RBFOX1: variants seen among roughly 807,000 people sequenced by gnomAD.
RBFOX1 encodes the protein RNA binding fox-1 homolog 1, also known as RNA binding protein fox-1 homolog 1.
RBFOX1 carries 8 observed loss-of-function variants against 57.7 expected under a neutral mutation model. That is an observed-to-expected ratio of 0.14 (90% confidence interval 0.08 to 0.25). The LOEUF (loss-of-function observed/expected upper bound fraction) is 0.25. RBFOX1 is among the 10% of genes least tolerant of loss of function. RBFOX1 has a pLI of 1.00. For synonymous variants in RBFOX1, 326 were observed against 222.4 expected (o/e 1.47, Z -4.15); for missense variants, 611 against 548.5 (o/e 1.11, Z -1.14).
intron 4 of RBFOX1, among the ~76,000 whole-genome samples, chr16:7,452,549 C>T (rs1384335639): frequency 8.5e-5 from 13 of 152,080 alleles, no homozygotes; most frequent in Admixed American, 5.9e-4. Flanking sequence ...GCCTCAGATC[C>T]GGGGTCTTAC....
Position 6,479,920 on chromosome 16 carries a change from G to C in RBFOX1, c.-64+162863G>C, listed in dbSNP as rs543025486. Among the ~76,000 whole-genome samples the C allele has an allele frequency of 1.9e-4, 29 of 151,368 alleles. No homozygotes were observed. In the South Asian group the frequency reaches 6.1e-3, roughly 32 times the overall value. On this transcript the variant is annotated intron_variant, in intron 2 of 15. Transcript: ENST00000550418. ...CAAAAAATTAGTTGGGCATGGTGGC[G>C]GGTACCTATGATCTCAGCTACTCGG...
chr16:6,486,461 G>T (rs1324339037), intron 2 of RBFOX1, among the ~76,000 whole-genome samples: 1 of 152,070 alleles, frequency 6.6e-6, no homozygotes, highest in African/African-American at 2.4e-5. Flanking sequence ...ACTTAGTTGT[G>T]TTTAGCTTTT....
intron 11 of RBFOX1, among the ~76,000 whole-genome samples, chr16:7,648,843 C>G (rs151205819): frequency 6.6e-6 from 1 of 152,290 alleles, no homozygotes; most frequent in African/African-American, 2.4e-5. Flanking sequence ...AGGGCTCTGA[C>G]AATTCCAAGT....
chr16:7,164,536 A>G (rs2079035920), intron 4 of RBFOX1, among the ~76,000 whole-genome samples: 1 of 152,196 alleles, frequency 6.6e-6, no homozygotes, highest in Admixed American at 6.5e-5. Context: ...TCCAAACCAG[A>G]AAAGAGTAAA....
chr16:6,197,878 T>C (rs1166658273), intron 1 of RBFOX1, among the ~76,000 whole-genome samples: 2 of 152,090 alleles, frequency 1.3e-5, no homozygotes, highest in African/African-American at 4.8e-5. Flanking sequence ...TAGCTTCCAC[T>C]TGTAAGTGAG....
chr16:6,655,583 A>G (rs1248242467), intron 3 of RBFOX1, among the ~76,000 whole-genome samples: 3 of 151,996 alleles, frequency 2.0e-5, no homozygotes, highest in African/African-American at 7.2e-5. Flanking sequence ...CCGTTAGACA[A>G]TTGTTTGTTA....
intron 2 of RBFOX1, among the ~76,000 whole-genome samples, chr16:5,590,453 A>G (rs1358156318): frequency 1.3e-5 from 2 of 152,156 alleles, no homozygotes; most frequent in South Asian, 4.1e-4. Flanking sequence ...GTTAACTGGC[A>G]TTTCCTACGA....
At chr16:5,743,108 C>T (rs968787420) in intron 3 of RBFOX1, among the ~76,000 whole-genome samples, 3 of 152,082 alleles carry the variant, frequency 2.0e-5, no homozygotes, top group Non-Finnish European at 2.9e-5. Flanking sequence ...ATCACACTAA[C>T]GGTGAGTATT....
At chr16:5,485,801 G>C (rs2069712495) in intron 2 of RBFOX1, among the ~76,000 whole-genome samples, 1 of 152,200 alleles carries the variant, frequency 6.6e-6, no homozygotes, top group Admixed American at 6.5e-5. Context: ...GGGAGCACAA[G>C]AACGACCATG....
rs530873783 is a variant in RBFOX1, at chr16:7,223,888, G to A, written c.27+171790G>A. ...CATAAATCTGTTATGGCTGGTTGGT[G>A]AGCATACCTTACAGTTTAATTGTAC... On this transcript the variant is annotated intron_variant, in intron 4 of 15. Coordinates refer to ENST00000550418, the MANE Select transcript of RBFOX1 (RefSeq NM_018723.4). Among the ~76,000 whole-genome samples, 55 of 151,950 alleles carry A rather than the reference G, an allele frequency of 3.6e-4. 1 individual carries two copies. The highest frequency in any genetic ancestry group is 8.7e-4 in the African/African-American group (36 of 41,476).
At chr16:5,517,053 T>G (rs2043818978) in intron 2 of RBFOX1, among the ~76,000 whole-genome samples, 1 of 151,856 alleles carries the variant, frequency 6.6e-6, no homozygotes, top group East Asian at 1.9e-4. Context: ...TACAGGTTCA[T>G]AAAAATAACT....
At chr16:7,321,181 G>C (rs1028376229) in intron 4 of RBFOX1, among the ~76,000 whole-genome samples, 14 of 150,192 alleles carry the variant, frequency 9.3e-5, no homozygotes, top group African/African-American at 3.4e-4. Flanking sequence ...GTTTTGCTCT[G>C]CTGCCCAGGC....
chr16:5,259,612 G>C (rs1178220121), intron 1 of RBFOX1, among the ~76,000 whole-genome samples: 3 of 152,206 alleles, frequency 2.0e-5, no homozygotes, highest in Non-Finnish European at 4.4e-5. Flanking sequence ...AGGGAGGCCA[G>C]CGTGTGTTGG....
chr16:7,333,160 T>G (rs1213699855), intron 4 of RBFOX1: 1 of 1,429,236 alleles, frequency 7.0e-7, no homozygotes, highest in Non-Finnish European at 9.8e-7. Flanking sequence ...ATTTTTATGG[T>G]TGAGAAAGCA....
rs566585489 is a variant in RBFOX1 at position 5,458,416 on chromosome 16, G to C, written c.220-8800G>C. On this transcript the variant is annotated intron_variant, in intron 1 of 2. Coordinates refer to the RBFOX1 transcript ENST00000585867. ...CATAGCACAGCGAGAGTTGATGTTT[G>C]AGGAATGAGAAGAAATGAGAAGAAG... 2.0e-5 allele frequency among the ~76,000 whole-genome samples: 3 copies of C among 152,314 alleles called. No homozygotes were observed. The South Asian group carries it at 6.2e-4, about 32-fold the overall frequency.
At chr16:7,319,136 T>C (rs903609387) in intron 4 of RBFOX1, among the ~76,000 whole-genome samples, 1 of 152,314 alleles carries the variant, frequency 6.6e-6, no homozygotes, top group African/African-American at 2.4e-5. Flanking sequence ...TTGTTCTATT[T>C]TGGTCCTAAA....
At chr16:6,696,347 C>G (rs1047135007) in intron 3 of RBFOX1, among the ~76,000 whole-genome samples, 6 of 152,198 alleles carry the variant, frequency 3.9e-5, no homozygotes, top group African/African-American at 9.6e-5. Context: ...AAAATTTAGA[C>G]TAGCACTTTC....
chr16:6,886,802 A>G (rs1015147097), intron 3 of RBFOX1, among the ~76,000 whole-genome samples: 1 of 152,026 alleles, frequency 6.6e-6, no homozygotes, highest in Admixed American at 6.6e-5. Flanking sequence ...AACCAGAAAA[A>G]AAAAGAATGA....
At chr16:6,822,207 A>C (rs2091427631) in intron 3 of RBFOX1, among the ~76,000 whole-genome samples, 1 of 152,170 alleles carries the variant, frequency 6.6e-6, no homozygotes, top group Non-Finnish European at 1.5e-5. Context: ...GTTGGATGAC[A>C]GTCAGTTTGA....
Sources: allele counts gnomAD v4.1 joint callset (sites outside exome capture counted in the v4.1 genomes callset), GRCh38; gene constraint gnomAD v4.1.1; transcripts MANE v1.5; gene names NCBI Gene and HGNC (gene_info 2026-07-23, HGNC 2026-07-21).